Variants in USP24 observed in about 807,000 individuals in gnomAD.
USP24 encodes ubiquitin carboxyl-terminal hydrolase 24.
In USP24, 97 loss-of-function variants were observed where a neutral mutation model predicts 361.6. The observed-to-expected ratio is 0.27, with a 90% CI of 0.23 to 0.32. The LOEUF (loss-of-function observed/expected upper bound fraction) is 0.32. Among genes scored for constraint, USP24 ranks in the 10% least tolerant of loss-of-function variants. USP24 has a pLI of 1.00. For synonymous variants in USP24, 1,098 were observed against 1,124.6 expected, an observed-to-expected ratio of 0.98 and a Z score of 0.47; for missense variants, 2,353 against 3,165.6, an observed-to-expected ratio of 0.74 and a Z score of 6.16.
chr1:55,070,221 T>C (rs748974695), intron 67 of USP24, among the ~76,000 whole-genome samples: 4 of 151,970 alleles, frequency 2.6e-5, no homozygotes, highest in Non-Finnish European at 5.9e-5. Context: ...CTGAGGTCTT[T>C]AAGGTATGCC....
rs751353905 is a variant in USP24, at chr1:55,137,503, A to G, written c.3201+12T>C. On this transcript the variant is annotated intron_variant, in intron 28 of 67. Coordinates refer to ENST00000294383, the MANE Select transcript of USP24 (RefSeq NM_015306.3). ...AGTTCTTGTTTTTAAATGGAAATTGATCACCCAGTACCTGCTCCATGGCAT... is the reference window on the plus strand; with the variant it reads ...AGTTCTTGTTTTTAAATGGAAATTGGTCACCCAGTACCTGCTCCATGGCAT... 1 of 1,604,046 alleles carries G rather than the reference A, an allele frequency of 6.2e-7. No homozygotes were observed. Among genetic ancestry groups the G allele is most frequent in the South Asian group, 1.1e-5 (1 of 89,088 alleles).
At chr1:55,200,499 T>C (rs1024203236) in intron 1 of USP24, among the ~76,000 whole-genome samples, 1 of 152,214 alleles carries the variant, frequency 6.6e-6, no homozygotes, top group Admixed American at 6.5e-5. Context: ...CATACTACTG[T>C]TTCTTTCCTC....
intron 60 of USP24, among the ~76,000 whole-genome samples, chr1:55,079,202 G>C (rs573205253): frequency 6.6e-6 from 1 of 152,126 alleles, no homozygotes; most frequent in African/African-American, 2.4e-5. Context: ...ACGTGGTTCA[G>C]AGTTGTAGTA....
intron 48 of USP24, 70 bp from the exon 49 acceptor site, chr1:55,097,242 A>G: frequency 6.6e-7 from 1 of 1,509,912 alleles, no homozygotes; most frequent in Non-Finnish European, 9.0e-7. Context: ...GTTAAGTGAG[A>G]TCCAAATAAG....
chr1:55,092,149 A>T (rs1171391860), intron 53 of USP24, 23 bp from the exon 54 acceptor site: 2 of 1,557,200 alleles, frequency 1.3e-6, no homozygotes, highest in South Asian at 2.3e-5. Flanking sequence ...AACATGAAAG[A>T]GGATATTTTT....
At chr1:55,144,022 C>A in intron 21 of USP24, 105 bp downstream of exon 21, 2 of 939,136 alleles carry the variant, frequency 2.1e-6, no homozygotes, top group Non-Finnish European at 3.0e-6. Flanking sequence ...TGTTCTTTAC[C>A]AAAAAAATCC....
chr1:55,154,668 T>A lies in USP24; in HGVS notation c.1554+3A>T. The A allele has an allele frequency of 6.2e-7, 1 of 1,612,294 alleles. No individual in the cohort carries two copies. Among genetic ancestry groups the A allele is most frequent in the Non-Finnish European group, 8.5e-7 (1 of 1,178,986 alleles). On this transcript the variant is annotated splice_donor_region_variant and intron_variant, in intron 13 of 67. Transcript: ENST00000294383. ...AAGTAAGCAAGTCTGACTGAACACGTACCTTCTGAATGAGAACAAACAAAT... is the reference window on the plus strand; with the variant it reads ...AAGTAAGCAAGTCTGACTGAACACGAACCTTCTGAATGAGAACAAACAAAT...
chr1:55,177,108 CAACAAA>C (rs1172735969), intron 2 of USP24, among the ~76,000 whole-genome samples: 22 of 140,762 alleles, frequency 1.6e-4, no homozygotes, highest in East Asian at 4.1e-4. Context: ...AAAAAAAAAA[CAACAAA>C]AACAAAAACA....
At chr1:55,203,333 G>C (rs1250128902) in intron 1 of USP24, among the ~76,000 whole-genome samples, 2 of 152,178 alleles carry the variant, frequency 1.3e-5, no homozygotes, top group Admixed American at 1.3e-4. Flanking sequence ...CATCTCAAGA[G>C]GCAGAAGGCT....
chr1:55,147,926 G>A (rs1157609261), intron 17 of USP24, 128 bp from the exon 18 acceptor site: 16 of 940,950 alleles, frequency 1.7e-5, no homozygotes, highest in African/African-American at 5.1e-5. Flanking sequence ...TTCCTCATTC[G>A]TATTTCCTAC....
chr1:55,079,239 G>C (rs1191032963), intron 60 of USP24, among the ~76,000 whole-genome samples: 2 of 152,140 alleles, frequency 1.3e-5, no homozygotes, highest in Non-Finnish European at 2.9e-5. Flanking sequence ...ACACAAAAGA[G>C]ATTGGGGATG....
intron 54 of USP24, 103 bp downstream of exon 54, chr1:55,091,920 A>G: frequency 1.2e-6 from 1 of 858,828 alleles, no homozygotes; most frequent in Non-Finnish European, 1.8e-6. Flanking sequence ...TCTGAATAAA[A>G]TTAGGTAGCT....
chr1:55,087,513 G>A (rs770417897), intron 55 of USP24, among the ~76,000 whole-genome samples: 3 of 152,294 alleles, frequency 2.0e-5, no homozygotes, highest in East Asian at 1.9e-4. Context: ...CAGGAGTCCC[G>A]TTGGAAAGAT....
chr1:55,088,082 T>C (rs1443934964), intron 55 of USP24, among the ~76,000 whole-genome samples: 1 of 152,234 alleles, frequency 6.6e-6, no homozygotes, highest in Non-Finnish European at 1.5e-5. Flanking sequence ...TTCTGGATTT[T>C]ATTCTGAGAG....
intron 19 of USP24, among the ~76,000 whole-genome samples, 182 bp from the exon 20 acceptor site, chr1:55,146,291 C>T (rs1374485043): frequency 6.6e-6 from 1 of 152,244 alleles, no homozygotes; most frequent in East Asian, 1.9e-4. Context: ...AATCTTTCTT[C>T]TAGATAATAA....
Position 55,215,003 on chromosome 1 carries a change from G to T in USP24, c.111C>A (p.Ala37=). The change falls in exon 1 of 68, where the codon GCC becomes GCA. Residue 37 remains alanine, a synonymous_variant. Coordinates refer to ENST00000294383, the MANE Select transcript of USP24 (RefSeq NM_015306.3). ...LRLAKNDINE[A]VALLTNERPG... is the part of the protein sequence containing the mutation. ...GCCGCTCGTTGGTGAGCAGTGCCAC[G>T]GCCTCGTTAATGTCGTTCTTGGCCA... is the stretch of plus-strand genomic sequence containing the variant. The T allele has an allele frequency of 6.8e-7, 1 of 1,468,636 alleles. No homozygotes were observed. Among genetic ancestry groups the T allele is most frequent in the Non-Finnish European group, 9.0e-7 (1 of 1,109,062 alleles). 91.0% of individuals were successfully genotyped at this position (1,468,636 alleles called of 1,614,324 possible).
intron 1 of USP24, among the ~76,000 whole-genome samples, chr1:55,201,080 C>A (rs1379794106): frequency 6.6e-6 from 1 of 152,080 alleles, no homozygotes; most frequent in Non-Finnish European, 1.5e-5. Context: ...AGAAATCTGC[C>A]AAAAGACTAC....
At position 55,148,501 on chromosome 1, in the gene USP24, G is replaced by A. The variant is rs777771456; in HGVS notation, c.1930C>T (p.Arg644Cys). ...TGATAGGTTTGTTTTATGAATGAGC[G>A]AGTAATTTCATGGAGCTGACGCAAA... is the stretch of plus-strand genomic sequence containing the variant. ...PALRQLHEIT[R>C]SFIKQTYQKQ... is the part of the protein sequence containing the mutation. The change falls in exon 17 of 68, where the codon CGC (arginine) becomes TGC (cysteine). Residue 644 changes from arginine to cysteine, a missense_variant. Around this residue, in one of 8 missense-constraint regions of USP24, gnomAD observed 386 missense variants for 560.5 expected, o/e 0.69. Coordinates refer to ENST00000294383, the MANE Select transcript of USP24 (RefSeq NM_015306.3). The A allele has an allele frequency of 3.8e-6, 6 of 1,593,434 alleles. No individual in the cohort carries two copies. The highest frequency in any genetic ancestry group is 1.7e-5 in the Admixed American group (1 of 57,510).
chr1:55,108,999 A>T (rs1645871872), intron 39 of USP24, among the ~76,000 whole-genome samples: 1 of 151,834 alleles, frequency 6.6e-6, no homozygotes, highest in Non-Finnish European at 1.5e-5. Context: ...TTTATTTTTT[A>T]TTTTTTGGAG....
Sources: allele counts gnomAD v4.1 joint callset (sites outside exome capture counted in the v4.1 genomes callset), GRCh38; gene constraint gnomAD v4.1.1; regional missense constraint gnomAD v4.1.1; transcripts MANE v1.5; gene names NCBI Gene and HGNC (gene_info 2026-07-23, HGNC 2026-07-21).